Variants in TMEM243 observed in about 807,000 individuals in gnomAD.
TMEM243 encodes MDR1 and mitochondrial taxol resistance associated.
TMEM243 carries 20 observed loss-of-function variants against 15.0 expected under a neutral mutation model. The ratio of observed to expected loss-of-function variants is 1.33; its 90% confidence interval spans 0.94 to 1.93. TMEM243 has a LOEUF of 1.93. Ranked by LOEUF, TMEM243 falls within the 30% of genes most tolerant of loss-of-function variation. TMEM243 has a pLI of 0.00. For synonymous variants in TMEM243, 72 were observed against 52.7 expected, an observed-to-expected ratio of 1.37 and a Z score of -1.59; for missense variants, 156 against 142.1, an observed-to-expected ratio of 1.10 and a Z score of -0.50.
rs893467565 is a variant in TMEM243 at position 87,219,287 on chromosome 7, G to A, written c.78+139C>T. 6 of 776,200 alleles carry A rather than the reference G, an allele frequency of 7.7e-6. No individual in the cohort carries two copies. The East Asian group carries it at 1.6e-4, about 21-fold the overall frequency. 48.1% of individuals were successfully genotyped at this position (776,200 alleles called of 1,614,324 possible). A position where few individuals can be genotyped will look rare whatever the true frequency, so the allele number is the denominator to read the frequency against. On this transcript the variant is annotated intron_variant, in intron 1 of 3. Transcript: ENST00000257637. ...ACGATTGGCCGGGCAAACATCTTGA[G>A]AGGGAAGTGGGATTGCAGAACCAGC...
At chr7:87,216,774 T>A (rs113003141) in intron 1 of TMEM243, 2 of 152,204 alleles carry the variant, frequency 1.3e-5, no homozygotes, top group African/African-American at 4.8e-5. Context: ...CAACCCCTAT[T>A]TTCTGTGAAA....
chr7:87,197,569 CTCTA>C, intron 3 of TMEM243: 1 of 432,226 alleles, frequency 2.3e-6, no homozygotes, highest in Non-Finnish European at 3.9e-6. Context: ...ATCCAGAGTG[CTCTA>C]TCTCTTCCCT....
intron 1 of TMEM243, among the ~76,000 whole-genome samples, chr7:87,211,183 C>G (rs1032529546): frequency 6.6e-6 from 1 of 152,184 alleles, no homozygotes; most frequent in Non-Finnish European, 1.5e-5. Flanking sequence ...ATTGGGCCAC[C>G]AGAAATAGCA....
At chr7:87,197,671 C>T in intron 3 of TMEM243, 2 of 1,288,320 alleles carry the variant, frequency 1.6e-6, no homozygotes, top group Non-Finnish European at 2.0e-6. Context: ...TCTTTGGCCA[C>T]CTACGTCTTT....
chr7:87,197,730 A>T, intron 3 of TMEM243: 20 of 337,630 alleles, frequency 5.9e-5, no homozygotes, highest in African/African-American at 6.5e-5. Flanking sequence ...CTATCAAGGG[A>T]GTGGAATTTC....
At chr7:87,219,105 T>A (rs1172925834) in intron 1 of TMEM243, among the ~76,000 whole-genome samples, 2 of 152,110 alleles carry the variant, frequency 1.3e-5, no homozygotes, top group East Asian at 3.9e-4. Flanking sequence ...GGGTCAGTAC[T>A]CCTGCTGGAG....
intron 2 of TMEM243, 194 bp from the exon 3 acceptor site, chr7:87,198,239 T>TAGGGA (rs1801511735): frequency 2.1e-6 from 1 of 481,278 alleles, no homozygotes; most frequent in Non-Finnish European, 3.6e-6. Flanking sequence ...TTTCTAAACT[T>TAGGGA]TCCCTTACTT....
At chr7:87,198,135 G>T in intron 2 of TMEM243, 90 bp from the exon 3 acceptor site, 1 of 1,043,650 alleles carries the variant, frequency 9.6e-7, no homozygotes, top group Non-Finnish European at 1.4e-6. Context: ...ACTACAAAAT[G>T]CTTCATGTTA....
At chr7:87,210,657 C>A (rs893257857) in intron 1 of TMEM243, among the ~76,000 whole-genome samples, 5 of 152,226 alleles carry the variant, frequency 3.3e-5, no homozygotes, top group Admixed American at 6.5e-5. Context: ...CTAGGCCACA[C>A]TAATGCAAGG....
rs569941174 is a variant in TMEM243 at position 87,209,677 on chromosome 7, CGA to C, written c.78+9747_78+9748del. The stretch of plus-strand genomic sequence containing the variant: ...GAGACAGAGCGAGAGAGAGCGAGAG[CGA>C]GACACAGCGAGAGAGCGAGACACAG... On this transcript the variant is annotated intron_variant, in intron 1 of 3. Coordinates refer to ENST00000257637, the MANE Select transcript of TMEM243 (RefSeq NM_024315.4). 1.4e-3 allele frequency among the ~76,000 whole-genome samples: 112 copies of C among 79,502 alleles called. 7 individuals carry two copies. Among genetic ancestry groups the C allele is most frequent in the African/African-American group, 5.5e-3 (105 of 19,156 alleles). 52.2% of individuals were successfully genotyped at this position (79,502 alleles called of 152,430 possible). A position where few individuals can be genotyped will look rare whatever the true frequency, so the allele number is the denominator to read the frequency against.
At chr7:87,203,208 G>T (rs1242345813) in intron 1 of TMEM243, among the ~76,000 whole-genome samples, 1 of 152,102 alleles carries the variant, frequency 6.6e-6, no homozygotes, top group Non-Finnish European at 1.5e-5. Context: ...AATTTCAAGG[G>T]CATGTGCTAC....
intron 1 of TMEM243, among the ~76,000 whole-genome samples, chr7:87,199,785 T>TC: frequency 6.6e-6 from 1 of 152,316 alleles, no homozygotes; most frequent in South Asian, 2.1e-4. Context: ...TAAATTATTT[T>TC]CTAAGAGTCA....
chr7:87,210,865 G>C (rs552147815), intron 1 of TMEM243, among the ~76,000 whole-genome samples: 1 of 152,340 alleles, frequency 6.6e-6, no homozygotes, highest in African/African-American at 2.4e-5. Flanking sequence ...TCTAGGCGGA[G>C]GCTCCCAAAC....
At chr7:87,201,458 AAAAT>A (rs1359195458) in intron 1 of TMEM243, among the ~76,000 whole-genome samples, 3 of 152,232 alleles carry the variant, frequency 2.0e-5, no homozygotes, top group Non-Finnish European at 4.4e-5. Flanking sequence ...AGTTTAGTCT[AAAAT>A]AAGCCATTTT....
intron 3 of TMEM243, 129 bp downstream of exon 3, chr7:87,197,812 C>T (rs1584511813): frequency 6.6e-7 from 1 of 1,506,320 alleles, no homozygotes; most frequent in Middle Eastern, 1.8e-4. Context: ...TTCTAACATA[C>T]TTTTAGGGGG....
intron 1 of TMEM243, among the ~76,000 whole-genome samples, chr7:87,208,998 C>T (rs969321085): frequency 6.6e-6 from 1 of 152,238 alleles, no homozygotes; most frequent in Non-Finnish European, 1.5e-5. Flanking sequence ...ACTACAAACT[C>T]ATGTTTTCTA....
chr7:87,214,412 G>A (rs1173371006), intron 1 of TMEM243, among the ~76,000 whole-genome samples: 1 of 152,154 alleles, frequency 6.6e-6, no homozygotes, highest in African/African-American at 2.4e-5. Context: ...TACCCTAGGG[G>A]GCAGGATGGG....
chr7:87,196,617 G>C lies in TMEM243; in HGVS notation c.*19C>G. 6.2e-7 allele frequency: 1 copy of C among 1,607,048 alleles called. No homozygotes were observed. Among genetic ancestry groups the C allele is most frequent in the Non-Finnish European group, 8.5e-7 (1 of 1,176,938 alleles). On this transcript the variant is annotated 3_prime_UTR_variant, in exon 4 of 4. Transcript: ENST00000257637. Reference sequence around the variant, plus strand: ...GTATCATTTTGAAGAGTCCTGGTAAGTACTTCTCCTTGGCAGCCTCACCTT... The same window carrying C: ...GTATCATTTTGAAGAGTCCTGGTAACTACTTCTCCTTGGCAGCCTCACCTT...
Position 87,197,962 on chromosome 7 carries a change from ACTC to A in TMEM243, c.210_212del (p.Leu70_Ser71delinsPhe). ...TTACAAGTATGCAGGCAGTAATACT[ACTC>A]AAAGAGATGCAGACAGCAAAGAATA... On this transcript the variant is annotated inframe_deletion, in exon 3 of 4. Coordinates refer to ENST00000257637, the MANE Select transcript of TMEM243 (RefSeq NM_024315.4). The A allele has an allele frequency of 2.5e-6, 4 of 1,613,052 alleles. No individual in the cohort carries two copies. The highest frequency in any genetic ancestry group is 2.5e-6 in the Non-Finnish European group (3 of 1,179,338).
Sources: gnomAD v4.1 joint callset for allele counts (sites outside exome capture counted in the v4.1 genomes callset) on GRCh38, gnomAD v4.1.1 for gene constraint, MANE v1.5 for transcripts, NCBI Gene and HGNC (gene_info 2026-07-23, HGNC 2026-07-21) for gene names.